Variants in TMEM196 observed in about 807,000 individuals in gnomAD.
TMEM196 encodes the protein transmembrane protein 196.
TMEM196 carries 17 observed loss-of-function variants against 20.0 expected under a neutral mutation model. That is an observed-to-expected ratio of 0.85 (90% confidence interval 0.58 to 1.27). The LOEUF is 1.27. Ranked by LOEUF, TMEM196 falls within the 50% of genes most tolerant of loss-of-function variation. TMEM196 has a pLI of 0.00. For missense variants in TMEM196, 267 were observed against 223.0 expected (o/e 1.20, Z -1.26); for synonymous variants, 113 against 88.9 (o/e 1.27, Z -1.52).
chr7:19,748,632 G>A (rs1195632948), intron 1 of TMEM196, among the ~76,000 whole-genome samples: 3 of 152,196 alleles, frequency 2.0e-5, no homozygotes, highest in African/African-American at 7.2e-5. Context: ...TGTACAGAAA[G>A]ACTTCAGGAG....
At chr7:19,744,467 C>T (rs752303613) in intron 1 of TMEM196, among the ~76,000 whole-genome samples, 8 of 152,186 alleles carry the variant, frequency 5.3e-5, no homozygotes, top group Non-Finnish European at 8.8e-5. Context: ...TAACAGTGTG[C>T]TTTTACTGAA....
In TMEM196 at chr7:19,737,053, A is replaced by T. The variant is rs1371114751; in HGVS notation, c.148-7615T>A. On this transcript the variant is annotated intron_variant, in intron 1 of 4. Transcript: ENST00000405844. ...AAATAGGCAAAAGAAAGGCACCTAT[A>T]CAAATAAACACCACTGTAGAAAAAT... 2.0e-5 allele frequency among the ~76,000 whole-genome samples: 3 copies of T among 152,014 alleles called. No homozygotes were observed. The South Asian group carries it at 6.2e-4, about 31-fold the overall frequency.
At chr7:19,736,391 AT>A (rs1246817405) in intron 1 of TMEM196, among the ~76,000 whole-genome samples, 6 of 86,546 alleles carry the variant, frequency 6.9e-5, no homozygotes, top group Middle Eastern at 5.8e-3. Context: ...ATATATATAT[AT>A]ATATATATAA....
chr7:19,762,106 AC>A (rs1376195378), intron 1 of TMEM196, among the ~76,000 whole-genome samples: 1 of 152,156 alleles, frequency 6.6e-6, no homozygotes, highest in Admixed American at 6.6e-5. Context: ...AAAAATCATA[AC>A]CAAACTTGTG....
intron 1 of TMEM196, among the ~76,000 whole-genome samples, chr7:19,729,901 A>G (rs1427150189): frequency 6.6e-6 from 1 of 152,154 alleles, no homozygotes; most frequent in East Asian, 1.9e-4. Context: ...TACCACTCCA[A>G]TTGGTACAAT....
At chr7:19,745,363 C>CAAAT (rs1784715541) in intron 1 of TMEM196, among the ~76,000 whole-genome samples, 1 of 152,028 alleles carries the variant, frequency 6.6e-6, no homozygotes, top group African/African-American at 2.4e-5. Context: ...AACACCTTGT[C>CAAAT]ACAAAATACT....
At chr7:19,748,928 A>G (rs1398216059) in intron 1 of TMEM196, among the ~76,000 whole-genome samples, 4 of 152,190 alleles carry the variant, frequency 2.6e-5, no homozygotes, top group Non-Finnish European at 4.4e-5. Flanking sequence ...TTATATGACT[A>G]TTTTCAATTT....
At chr7:19,739,967 G>C (rs1190540987) in intron 1 of TMEM196, among the ~76,000 whole-genome samples, 1 of 152,156 alleles carries the variant, frequency 6.6e-6, no homozygotes, top group Non-Finnish European at 1.5e-5. Context: ...TTGTGTGTGT[G>C]TGTGTGCACA....
chr7:19,745,603 T>A (rs931437929), intron 1 of TMEM196, among the ~76,000 whole-genome samples: 3 of 151,302 alleles, frequency 2.0e-5, no homozygotes, highest in African/African-American at 7.3e-5. Flanking sequence ...TTAACACAGC[T>A]AAAATAAGTT....
chr7:19,749,592 A>G (rs998907105), intron 1 of TMEM196, among the ~76,000 whole-genome samples: 1 of 152,210 alleles, frequency 6.6e-6, no homozygotes, highest in Admixed American at 6.5e-5. Flanking sequence ...GGATACATAT[A>G]GATAATAAAA....
intron 1 of TMEM196, among the ~76,000 whole-genome samples, chr7:19,761,929 A>G (rs534987029): frequency 1.3e-5 from 2 of 152,332 alleles, no homozygotes; most frequent in South Asian, 4.1e-4. Context: ...CTCAGTGTTC[A>G]TGTAATGAAG....
chr7:19,735,222 C>A (rs376718426), intron 1 of TMEM196, among the ~76,000 whole-genome samples: 1 of 151,676 alleles, frequency 6.6e-6, no homozygotes. Context: ...GCAATGACAA[C>A]AAAGATTAAA....
In TMEM196 at chr7:19,719,434, C is replaced by T. The variant is rs981534645; in HGVS notation, c.*2694G>A. 2 of 151,958 alleles carry T rather than the reference C, an allele frequency of 1.3e-5. No individual in the cohort carries two copies. The highest frequency in any genetic ancestry group is 4.8e-5 in the African/African-American group (2 of 41,360). 9.4% of individuals were successfully genotyped at this position (151,958 alleles called of 1,614,324 possible). A position where few individuals can be genotyped will look rare whatever the true frequency, so the allele number is the denominator to read the frequency against. ...ATGTGTATGTATATGCATATATATA[C>T]ACACATACACATATATGTTTAAAAT... is the stretch of plus-strand genomic sequence containing the variant. On this transcript the variant is annotated 3_prime_UTR_variant, in exon 5 of 5. Coordinates refer to ENST00000405844, the MANE Select transcript of TMEM196 (RefSeq NM_001363562.2).
At chr7:19,752,911 C>G (rs1583448210) in intron 1 of TMEM196, among the ~76,000 whole-genome samples, 1 of 152,134 alleles carries the variant, frequency 6.6e-6, no homozygotes, top group South Asian at 2.1e-4. Context: ...CCCGCCCGGC[C>G]TTTTTGTTCA....
chr7:19,740,901 G>A (rs942931997), intron 1 of TMEM196, among the ~76,000 whole-genome samples: 1 of 152,162 alleles, frequency 6.6e-6, no homozygotes, highest in Non-Finnish European at 1.5e-5. Flanking sequence ...AAGGCTGAGC[G>A]TAGTTTTCTT....
At chr7:19,770,831 T>C (rs1291789581) in intron 1 of TMEM196, among the ~76,000 whole-genome samples, 1 of 152,122 alleles carries the variant, frequency 6.6e-6, no homozygotes, top group African/African-American at 2.4e-5. Context: ...TATTTAATCA[T>C]TTTTTTCTTA....
intron 1 of TMEM196, among the ~76,000 whole-genome samples, chr7:19,742,338 A>G (rs913530658): frequency 1.4e-4 from 22 of 152,192 alleles, no homozygotes; most frequent in African/African-American, 4.3e-4. Context: ...ACTATAACCA[A>G]AGCTGTTGCC....
In TMEM196 at chr7:19,729,382, G is replaced by A. The variant is rs1409261050; in HGVS notation, c.204C>T (p.Val68=). The A allele has an allele frequency of 6.5e-6, 10 of 1,549,312 alleles. No homozygotes were observed. Among genetic ancestry groups the A allele is most frequent in the East Asian group, 4.9e-5 (2 of 40,758 alleles). ...CAATACAAACAAATCAAACACTTAC[G>A]ACAAGTCCTGATTTTTTTTTGGCAC... ...ILCAKKKSGL[V]MILFSACCIC... Residue 68 remains valine (V), a splice_region_variant and synonymous_variant, in exon 2 of 5, where the codon GTC becomes GTT. Coordinates refer to ENST00000405844, the MANE Select transcript of TMEM196 (RefSeq NM_001363562.2).
chr7:19,762,780 C>A (rs1467094004), intron 1 of TMEM196, among the ~76,000 whole-genome samples: 2 of 152,136 alleles, frequency 1.3e-5, no homozygotes, highest in African/African-American at 2.4e-5. Flanking sequence ...GATTTGTGAC[C>A]TGCTCTTACA....
Sources: gnomAD v4.1 joint callset for allele counts (sites outside exome capture counted in the v4.1 genomes callset) on GRCh38, gnomAD v4.1.1 for gene constraint, MANE v1.5 for transcripts, NCBI Gene and HGNC (gene_info 2026-07-23, HGNC 2026-07-21) for gene names.